PRKCI: variants seen among roughly 807,000 people sequenced by gnomAD.
PRKCI encodes the protein protein kinase C iota.
PRKCI carries 43 observed loss-of-function variants against 84.0 expected under a neutral mutation model. That is an observed-to-expected ratio of 0.51 (90% confidence interval 0.40 to 0.66). The LOEUF (loss-of-function observed/expected upper bound fraction) is 0.66. PRKCI is among the 30% of genes least tolerant of loss of function. The pLI, the probability that PRKCI is intolerant of heterozygous loss-of-function variation, is 0.00. For missense variants in PRKCI, 459 were observed against 745.6 expected, an observed-to-expected ratio of 0.62 and a Z score of 4.48; for synonymous variants, 216 against 234.4, an observed-to-expected ratio of 0.92 and a Z score of 0.72.
At chr3:170,245,957 T>TGTTTGTTTGTTTGTTTG (rs200509231) in intron 2 of PRKCI, among the ~76,000 whole-genome samples, 1 of 141,398 alleles carries the variant, frequency 7.1e-6, no homozygotes, top group Non-Finnish European at 1.6e-5. Flanking sequence ...TTGTTTTTTT[T>TGTTTGTTTGTTTGTTTG]TTTTTTTTTT....
chr3:170,236,740 G>A (rs1051098301), intron 2 of PRKCI, among the ~76,000 whole-genome samples: 2 of 151,690 alleles, frequency 1.3e-5, no homozygotes, highest in African/African-American at 2.4e-5. Context: ...GTGCACCTGT[G>A]GTCCCAGCTA....
chr3:170,267,899 A>G lies in PRKCI; in HGVS notation c.365-16A>G, dbSNP rs769520422. The G allele has an allele frequency of 1.3e-5, 21 of 1,559,924 alleles. No homozygotes were observed. The highest frequency in any genetic ancestry group is 8.7e-7 in the Non-Finnish European group (1 of 1,149,742). ...CTTGCTCTTTTTTCTTTTTTTAACT[A>G]TTACTCTGTCTTCAGAATCCATCTA... On this transcript the variant is annotated splice_polypyrimidine_tract_variant and intron_variant, in intron 4 of 17. Coordinates refer to ENST00000295797, the MANE Select transcript of PRKCI (RefSeq NM_002740.6).
At chr3:170,279,616 A>T (rs747848540) in intron 8 of PRKCI, among the ~76,000 whole-genome samples, 6 of 152,256 alleles carry the variant, frequency 3.9e-5, no homozygotes, top group Non-Finnish European at 5.9e-5. Context: ...TGTCGTCCCA[A>T]AGGGGTCTTG....
Position 170,270,613 on chromosome 3 carries a change from A to G in PRKCI, c.591+52A>G, listed in dbSNP as rs531245794. ...TTTTTTTTTAAGAGCGTGCTTGATA[A>G]CACTGCTATAACAGAGTGCTAAAAT... is the stretch of plus-strand genomic sequence containing the variant. On this transcript the variant is annotated intron_variant, in intron 6 of 17. Transcript: ENST00000295797. The G allele has an allele frequency of 2.0e-5, 30 of 1,532,364 alleles. No homozygotes were observed. The African/African-American group carries it at 4.3e-4, about 22-fold the overall frequency. The allele number at this position is 1,532,364 out of a possible 1,614,324, so 94.9% of individuals were successfully genotyped here.
intron 17 of PRKCI, among the ~76,000 whole-genome samples, chr3:170,301,378 T>C (rs536039964): frequency 6.6e-6 from 1 of 152,344 alleles, no homozygotes; most frequent in South Asian, 2.1e-4. Flanking sequence ...ACTTATCCCC[T>C]GCCGTTAGAT....
chr3:170,247,411 T>TATTCCTATTA (rs1733312620), intron 2 of PRKCI, among the ~76,000 whole-genome samples: 1 of 151,728 alleles, frequency 6.6e-6, no homozygotes, highest in South Asian at 2.1e-4. Flanking sequence ...GGGTTATGTC[T>TATTCCTATTA]ATTCCTATTA....
chr3:170,261,023 C>G (rs975293314), intron 3 of PRKCI, among the ~76,000 whole-genome samples: 3 of 151,934 alleles, frequency 2.0e-5, no homozygotes, highest in Non-Finnish European at 2.9e-5. Context: ...TTGGTGCAGT[C>G]ATAGCTCACT....
intron 2 of PRKCI, among the ~76,000 whole-genome samples, chr3:170,250,272 G>GAAAAA: frequency 9.6e-6 from 1 of 104,596 alleles, no homozygotes; most frequent in South Asian, 3.6e-4. Flanking sequence ...GACTTGGTCT[G>GAAAAA]AAAAAAAAAA....
chr3:170,283,537 G>T (rs1734305164), intron 11 of PRKCI, among the ~76,000 whole-genome samples: 1 of 152,110 alleles, frequency 6.6e-6, no homozygotes, highest in South Asian at 2.1e-4. Flanking sequence ...GTTCATTTAT[G>T]TTCATTGTGT....
At chr3:170,285,809 A>G (rs1008156897) in intron 12 of PRKCI, among the ~76,000 whole-genome samples, 37 of 152,060 alleles carry the variant, frequency 2.4e-4, no homozygotes, top group Admixed American at 4.6e-4. Flanking sequence ...CAATGGCACA[A>G]TCTTGGCTCA....
At chr3:170,275,208 T>A in intron 7 of PRKCI, 21 bp from the exon 8 acceptor site, 1 of 1,491,780 alleles carries the variant, frequency 6.7e-7, no homozygotes, top group Non-Finnish European at 8.9e-7. Context: ...TTTTTTTTAA[T>A]GTTTGGTATT....
chr3:170,294,714 T>C (rs1734651326), intron 14 of PRKCI, among the ~76,000 whole-genome samples: 1 of 152,194 alleles, frequency 6.6e-6, no homozygotes, highest in Admixed American at 6.5e-5. Flanking sequence ...TTTATTCCTA[T>C]TTTACAGATG....
At chr3:170,256,025 A>G (rs1265664971) in intron 2 of PRKCI, among the ~76,000 whole-genome samples, 4 of 152,218 alleles carry the variant, frequency 2.6e-5, no homozygotes, top group South Asian at 2.1e-4. Context: ...TCCCTGGAAC[A>G]AATTCCAGTT....
rs2133691 is a variant in PRKCI, at chr3:170,292,902, G to A, written c.1292-481G>A. ...TGAAAACACAAAAAATTAGCCGGGC[G>A]TGTTCACAGGTGCCTGTAGTCTCAG... On this transcript the variant is annotated intron_variant, in intron 13 of 17. Transcript: ENST00000295797. Among the ~76,000 whole-genome samples the A allele has an allele frequency of 5.1e-3, 757 of 149,600 alleles. 7 individuals are homozygous for A. The highest frequency in any genetic ancestry group is 0.018 in the African/African-American group (732 of 40,800).
chr3:170,223,268 C>G (rs1732543175), intron 1 of PRKCI, among the ~76,000 whole-genome samples: 1 of 152,132 alleles, frequency 6.6e-6, no homozygotes, highest in South Asian at 2.1e-4. Flanking sequence ...GTTGTGTTCA[C>G]GTAGTGTATC....
At position 170,281,156 on chromosome 3, in the gene PRKCI, T is replaced by G; in HGVS notation, c.883-10T>G. 4 of 1,607,080 alleles carry G rather than the reference T, an allele frequency of 2.5e-6. No homozygotes were observed. Among genetic ancestry groups the G allele is most frequent in the Non-Finnish European group, 3.4e-6 (4 of 1,174,954 alleles). ...AGTTTGACATAGATTTCTTACATGT[T>G]TCAAAATAGGATATTGATTGGGTAC... On this transcript the variant is annotated splice_polypyrimidine_tract_variant and intron_variant, in intron 9 of 17. Coordinates refer to ENST00000295797, the MANE Select transcript of PRKCI (RefSeq NM_002740.6).
At chr3:170,277,574 G>C (rs911451996) in intron 8 of PRKCI, among the ~76,000 whole-genome samples, 1 of 151,846 alleles carries the variant, frequency 6.6e-6, no homozygotes, top group African/African-American at 2.4e-5. Context: ...GGCGCCTGTA[G>C]TCCCAGCTGC....
chr3:170,245,955 T>TTTGTTTGTTTGTTTGTTTG (rs1553837917), intron 2 of PRKCI, among the ~76,000 whole-genome samples: 1 of 143,244 alleles, frequency 7.0e-6, no homozygotes, highest in Non-Finnish European at 1.5e-5. Flanking sequence ...CTTTGTTTTT[T>TTTGTTTGTTTGTTTGTTTG]TTTTTTTTTT....
chr3:170,247,875 T>TA (rs1733330237), intron 2 of PRKCI, among the ~76,000 whole-genome samples: 2 of 151,610 alleles, frequency 1.3e-5, no homozygotes, highest in South Asian at 4.2e-4. Context: ...TTGGGCCTGA[T>TA]AGTGAAAGGA....
Sources: gnomAD v4.1 joint callset for allele counts (sites outside exome capture counted in the v4.1 genomes callset) on GRCh38, gnomAD v4.1.1 for gene constraint, MANE v1.5 for transcripts, NCBI Gene and HGNC (gene_info 2026-07-23, HGNC 2026-07-21) for gene names.